Variants in HELLS observed in about 807,000 individuals in gnomAD.
HELLS encodes lymphoid-specific helicase.
In HELLS, 32 loss-of-function variants were observed where a neutral mutation model predicts 120.0. That is an observed-to-expected ratio of 0.27 (90% CI 0.20 to 0.36). The LOEUF (loss-of-function observed/expected upper bound fraction) is 0.36, where lower values mean the gene tolerates loss of function less well. HELLS is among the 10% of genes least tolerant of loss of function. The pLI, the probability that HELLS is intolerant of heterozygous loss-of-function variation, is 1.00. For missense variants in HELLS, 650 were observed against 993.4 expected, an observed-to-expected ratio of 0.65 and a Z score of 4.65; for synonymous variants, 341 against 323.4, an observed-to-expected ratio of 1.05 and a Z score of -0.58.
intron 21 of HELLS, among the ~76,000 whole-genome samples, chr10:94,599,190 C>T (rs557588006): frequency 1.1e-3 from 162 of 152,134 alleles, no homozygotes; most frequent in African/African-American, 3.8e-3. Context: ...AGACATACAG[C>T]ATCATGGTCA....
At chr10:94,546,338 T>G in intron 1 of HELLS, 39 bp from the exon 2 acceptor site, 1 of 1,613,460 alleles carries the variant, frequency 6.2e-7, no homozygotes, top group Non-Finnish European at 8.5e-7. Context: ...GTTGGTAATT[T>G]TTTTAAAACT....
exon 9 of HELLS, chr10:94,608,021 C>A: frequency 3.6e-6 from 1 of 277,788 alleles, no homozygotes; most frequent in South Asian, 3.2e-5. Context: ...CACTGCGTGG[C>A]CTGAGGTAAG....
downstream of HELLS, among the ~76,000 whole-genome samples, chr10:94,603,750 TAG>T (rs1261123885): frequency 1.3e-5 from 2 of 152,248 alleles, no homozygotes; most frequent in African/African-American, 4.8e-5. Context: ...CCAAAAATCT[TAG>T]AGTCATTCTT....
intron 6 of HELLS, among the ~76,000 whole-genome samples, chr10:94,567,810 A>C (rs4918404): frequency 6.6e-6 from 1 of 151,460 alleles, no homozygotes; most frequent in Non-Finnish European, 1.5e-5. Flanking sequence ...CAGGAGGCTG[A>C]GGTGAGAGGA....
intron 6 of HELLS, among the ~76,000 whole-genome samples, chr10:94,565,969 T>C (rs1167188159): frequency 1.3e-5 from 2 of 152,072 alleles, no homozygotes; most frequent in Non-Finnish European, 2.9e-5. Context: ...CTCAGCTCAC[T>C]GCAGCCTCAA....
At chr10:94,590,845 T>C in intron 15 of HELLS, 69 bp downstream of exon 15, 2 of 844,376 alleles carry the variant, frequency 2.4e-6, no homozygotes, top group Non-Finnish European at 3.5e-6. Flanking sequence ...AAAGTGTTAC[T>C]TTTTTTGATT....
intron 12 of HELLS, chr10:94,584,185 T>A: frequency 1.6e-6 from 1 of 629,810 alleles, no homozygotes; most frequent in Admixed American, 4.0e-5. Context: ...TGAATTGAGA[T>A]GTTTATTGAC....
At chr10:94,578,236 A>G (rs1269519752) in intron 10 of HELLS, among the ~76,000 whole-genome samples, 1 of 151,846 alleles carries the variant, frequency 6.6e-6, no homozygotes, top group Non-Finnish European at 1.5e-5. Context: ...TGTCTCAAAA[A>G]GAAAAAAAAA....
At chr10:94,551,599 G>C (rs1355868722) in intron 2 of HELLS, among the ~76,000 whole-genome samples, 1 of 151,948 alleles carries the variant, frequency 6.6e-6, no homozygotes, top group African/African-American at 2.4e-5. Context: ...TTGAAAGAAA[G>C]CTATAGTGAT....
rs942990228 is a variant in HELLS at position 94,576,590 on chromosome 10, T to G, written c.889-72T>G. 5.1e-6 allele frequency: 4 copies of G among 779,890 alleles called. No homozygotes were observed. The African/African-American group carries it at 7.1e-5, about 14-fold the overall frequency. The allele number at this position is 779,890 out of a possible 1,614,324, so 48.3% of individuals were successfully genotyped here. ...ATTATATTTTTTCCCTCAGAATGAT[T>G]TATATTTTCTAAATAGTCAATATTT... On this transcript the variant is annotated intron_variant, in intron 9 of 21. Coordinates refer to ENST00000348459, the MANE Select transcript of HELLS (RefSeq NM_018063.5).
chr10:94,553,593 T>C (rs188766426), intron 2 of HELLS, among the ~76,000 whole-genome samples: 1 of 145,790 alleles, frequency 6.9e-6, no homozygotes, highest in East Asian at 2.0e-4. Context: ...TTGCTCTTGT[T>C]TGGAGTGCAG....
At chr10:94,548,657 A>C (rs1015150733) in intron 2 of HELLS, among the ~76,000 whole-genome samples, 1 of 152,184 alleles carries the variant, frequency 6.6e-6, no homozygotes, top group Non-Finnish European at 1.5e-5. Flanking sequence ...TGCATCATAG[A>C]ACCTAAAGAG....
rs1262817978 is a variant in HELLS at position 94,593,497 on chromosome 10, A to T, written c.1972-2A>T. The T allele has an allele frequency of 1.3e-6, 2 of 1,590,054 alleles. No homozygotes were observed. The highest frequency in any genetic ancestry group is 1.7e-5 in the Admixed American group (1 of 59,310). ...TTGTATTTACATCCTTTTTGCTTTT[A>T]GATGCACAGCTTCAACACGGATCCA... On this transcript the variant is annotated splice_acceptor_variant, in intron 17 of 21. Coordinates refer to ENST00000348459, the MANE Select transcript of HELLS (RefSeq NM_018063.5). LOFTEE classifies it high-confidence loss of function.
intron 2 of HELLS, among the ~76,000 whole-genome samples, chr10:94,551,394 C>T (rs937038331): frequency 5.9e-5 from 9 of 151,846 alleles, no homozygotes; most frequent in African/African-American, 1.9e-4. Flanking sequence ...GGTGAAAGCC[C>T]GTCTCTACTA....
At chr10:94,596,801 T>C (rs921960482) in intron 19 of HELLS, 59 bp from the exon 20 acceptor site, 6 of 860,376 alleles carry the variant, frequency 7.0e-6, no homozygotes, top group African/African-American at 1.7e-5. Flanking sequence ...TGGTTTGTAA[T>C]ATGTTGTATT....
rs577317430 is a variant in HELLS, at chr10:94,557,894, C to T, written c.277-245C>T. Among the ~76,000 whole-genome samples, 111 of 152,224 alleles carry T rather than the reference C, an allele frequency of 7.3e-4. 1 individual carries two copies. The highest frequency in any genetic ancestry group is 1.3e-3 in the Non-Finnish European group (89 of 68,012). On this transcript the variant is annotated intron_variant, in intron 3 of 21. Coordinates refer to ENST00000348459, the MANE Select transcript of HELLS (RefSeq NM_018063.5). ...TTCCGTTTTGTCAGTGTTTACAGTC[C>T]GTTACTGCATGTTGTCTGAAAACCA...
chr10:94,577,094 C>G (rs895567061), intron 10 of HELLS: 2 of 510,868 alleles, frequency 3.9e-6, no homozygotes, highest in African/African-American at 3.8e-5. Context: ...ATATTTGTGA[C>G]AGGTACTTTG....
At chr10:94,558,118 T>C in intron 3 of HELLS, 21 bp from the exon 4 acceptor site, 1 of 1,555,258 alleles carries the variant, frequency 6.4e-7, no homozygotes, top group Non-Finnish European at 8.6e-7. Flanking sequence ...ACTTGTGACA[T>C]AAGAAAAAAT....
chr10:94,574,752 T>A lies in HELLS; in HGVS notation c.888+16T>A. ...TACACCAGATGTAAGACATGCTTCCTTATGTTAAAATTATAATTTTACATG... is the reference window on the plus strand; with the variant it reads ...TACACCAGATGTAAGACATGCTTCCATATGTTAAAATTATAATTTTACATG... On this transcript the variant is annotated intron_variant, in intron 9 of 21. Coordinates refer to ENST00000348459, the MANE Select transcript of HELLS (RefSeq NM_018063.5). 1.3e-6 allele frequency: 2 copies of A among 1,584,716 alleles called. No homozygotes were observed. Among genetic ancestry groups the A allele is most frequent in the Non-Finnish European group, 1.7e-6 (2 of 1,161,588 alleles).
Sources: gnomAD v4.1 joint callset for allele counts (sites outside exome capture counted in the v4.1 genomes callset) on GRCh38, gnomAD v4.1.1 for gene constraint, MANE v1.5 for transcripts, NCBI Gene and HGNC (gene_info 2026-07-23, HGNC 2026-07-21) for gene names.